Variants in PSTPIP1 observed in about 807,000 individuals in gnomAD.
The protein encoded by PSTPIP1 is proline-serine-threonine phosphatase interacting protein 1, also known as proline-serine-threonine phosphatase-interacting protein 1.
Under a neutral mutation model 69.6 loss-of-function variants are expected in PSTPIP1, and 66 were observed. That is an observed-to-expected ratio of 0.95 (90% CI 0.78 to 1.16). The LOEUF (loss-of-function observed/expected upper bound fraction) is 1.16. Ranked by LOEUF, PSTPIP1 falls within the 50% of genes most tolerant of loss-of-function variation. PSTPIP1 has a pLI of 0.00. For synonymous variants in PSTPIP1, 266 were observed against 222.7 expected, an observed-to-expected ratio of 1.19 and a Z score of -1.73; for missense variants, 603 against 557.4, an observed-to-expected ratio of 1.08 and a Z score of -0.82.
intron 1 of PSTPIP1, among the ~76,000 whole-genome samples, chr15:77,003,325 C>T (rs1165433828): frequency 3.9e-5 from 6 of 152,172 alleles, no homozygotes; most frequent in Non-Finnish European, 8.8e-5. Context: ...CACACCAGGA[C>T]TCTCCTCTGG....
At chr15:77,020,561 A>G (rs2076139586) in intron 3 of PSTPIP1, among the ~76,000 whole-genome samples, 1 of 152,098 alleles carries the variant, frequency 6.6e-6, no homozygotes, top group African/African-American at 2.4e-5. Flanking sequence ...TTAATTGAGG[A>G]CCTACTATGT....
chr15:77,009,514 T>A (rs1414532798), intron 1 of PSTPIP1, among the ~76,000 whole-genome samples: 1 of 152,194 alleles, frequency 6.6e-6, no homozygotes, highest in African/African-American at 2.4e-5. Context: ...TGGGAGCCAC[T>A]AGTCTAGAGA....
Position 77,037,090 on chromosome 15 carries a change from A to G in PSTPIP1, c.1165A>G (p.Ile389Val). The G allele has an allele frequency of 6.2e-7, 1 of 1,612,336 alleles. No individual in the cohort carries two copies. Among genetic ancestry groups the G allele is most frequent in the Non-Finnish European group, 8.5e-7 (1 of 1,179,660 alleles). Residue 389 changes from isoleucine to valine, a missense_variant, in exon 15 of 15, where the codon ATC becomes GTC. Physicochemically the swap from Ile to Val is conservative, Grantham distance 29. Transcript: ENST00000558012. ...GTCCGCGGGAGACATCCTGGAGGTG[A>G]TCCTGGAAGGGGAGGATGGCTGGTG... ...DLSAGDILEV[I>V]LEGEDGWWTV...
intron 3 of PSTPIP1, among the ~76,000 whole-genome samples, chr15:77,022,078 C>T (rs2076171878): frequency 6.6e-6 from 1 of 152,246 alleles, no homozygotes; most frequent in African/African-American, 2.4e-5. Context: ...CCCTGCCTCA[C>T]CCCCAGTTGT....
At chr15:77,018,126 G>A in intron 1 of PSTPIP1, 22 bp from the exon 2 acceptor site, 1 of 1,560,256 alleles carries the variant, frequency 6.4e-7, no homozygotes, top group Non-Finnish European at 8.7e-7. Context: ...GCCCTCATGT[G>A]TCCTTCTGTC....
intron 5 of PSTPIP1, 88 bp downstream of exon 5, chr15:77,025,692 G>T: frequency 6.9e-6 from 7 of 1,021,770 alleles, no homozygotes; most frequent in East Asian, 3.0e-5. Flanking sequence ...CTTCCTGGTA[G>T]AGCCAGTGGA....
At chr15:77,018,576 C>A in intron 3 of PSTPIP1, 45 bp downstream of exon 3, 4 of 1,506,026 alleles carry the variant, frequency 2.7e-6, no homozygotes, top group Non-Finnish European at 3.6e-6. Context: ...CCTCTGCTGG[C>A]AGTTTCTGGG....
chr15:77,002,192 G>A (rs146912424), intron 1 of PSTPIP1, among the ~76,000 whole-genome samples: 1 of 152,326 alleles, frequency 6.6e-6, no homozygotes, highest in African/African-American at 2.4e-5. Flanking sequence ...CCTAAGGCAC[G>A]GCAGGTCTAG....
intron 9 of PSTPIP1, 58 bp from the exon 10 acceptor site, chr15:77,031,122 G>A: frequency 1.3e-6 from 2 of 1,521,000 alleles, no homozygotes; most frequent in South Asian, 2.2e-5. Context: ...ATGGGGCCCA[G>A]CCTGGCCGGG....
At chr15:77,032,206 AG>A in intron 10 of PSTPIP1, 91 bp from the exon 11 acceptor site, 2 of 1,301,274 alleles carry the variant, frequency 1.5e-6, no homozygotes, top group Non-Finnish European at 2.2e-6. Flanking sequence ...GCCTGTGAGG[AG>A]GCCGGTGGGT....
At chr15:77,026,421 A>G (rs2076283060) in intron 5 of PSTPIP1, among the ~76,000 whole-genome samples, 1 of 152,174 alleles carries the variant, frequency 6.6e-6, no homozygotes, top group South Asian at 2.1e-4. Flanking sequence ...AAGAATTGAA[A>G]ATGAAAAGTC....
chr15:77,013,387 G>A (rs1246191258), intron 1 of PSTPIP1, among the ~76,000 whole-genome samples: 1 of 152,176 alleles, frequency 6.6e-6, no homozygotes, highest in African/African-American at 2.4e-5. Context: ...TGCACTGCCA[G>A]CTGCCTCTGG....
chr15:77,012,885 G>T (rs931210919), intron 1 of PSTPIP1, among the ~76,000 whole-genome samples: 2 of 152,284 alleles, frequency 1.3e-5, no homozygotes, highest in Admixed American at 1.3e-4. Context: ...CCTCTTGAAG[G>T]CCTCACTGAG....
At chr15:77,025,747 T>C in intron 5 of PSTPIP1, 143 bp downstream of exon 5, 1 of 746,998 alleles carries the variant, frequency 1.3e-6, no homozygotes, top group South Asian at 1.8e-5. Flanking sequence ...GCTTTGGGGC[T>C]TGAGGGTGAT....
chr15:76,999,261 C>T (rs2075646394), intron 1 of PSTPIP1, among the ~76,000 whole-genome samples: 2 of 151,910 alleles, frequency 1.3e-5, no homozygotes, highest in African/African-American at 4.8e-5. Context: ...CCTTCCTGAA[C>T]CCATTTTTTA....
intron 13 of PSTPIP1, 64 bp from the exon 14 acceptor site, chr15:77,035,738 A>G (rs957327345): frequency 1.4e-5 from 22 of 1,530,616 alleles, no homozygotes; most frequent in African/African-American, 3.0e-5. Context: ...ACCCCATTCT[A>G]GTAGGACTTC....
chr15:77,001,604 G>C (rs889825076), intron 1 of PSTPIP1, among the ~76,000 whole-genome samples: 2 of 152,250 alleles, frequency 1.3e-5, no homozygotes, highest in African/African-American at 4.8e-5. Flanking sequence ...CTGCCACCAA[G>C]TACCTTCCCG....
At chr15:76,996,680 G>C (rs2075588162) in intron 1 of PSTPIP1, among the ~76,000 whole-genome samples, 1 of 152,232 alleles carries the variant, frequency 6.6e-6, no homozygotes, top group Non-Finnish European at 1.5e-5. Context: ...CCTCTGCTCT[G>C]ACTGTACAGT....
rs1328317697 is a variant in PSTPIP1 at position 77,025,489 on chromosome 15, T to C, written c.248-9T>C. On this transcript the variant is annotated splice_polypyrimidine_tract_variant and intron_variant, in intron 4 of 14. Transcript: ENST00000558012. The stretch of plus-strand genomic sequence containing the variant: ...ACACTGGGGACCAGTATCCATGCTC[T>C]GCCCCCAGAAATGGAGAATGTGGGC... 5.1e-6 allele frequency: 8 copies of C among 1,565,230 alleles called. No homozygotes were observed. The highest frequency in any genetic ancestry group is 6.9e-6 in the Non-Finnish European group (8 of 1,154,960).
Sources: allele counts gnomAD v4.1 joint callset (sites outside exome capture counted in the v4.1 genomes callset), GRCh38; gene constraint gnomAD v4.1.1; transcripts MANE v1.5; gene names NCBI Gene and HGNC (gene_info 2026-07-23, HGNC 2026-07-21).